Variants in KCNIP4 observed in about 807,000 individuals in gnomAD.
KCNIP4 encodes the protein Kv channel-interacting protein 4.
Under a neutral mutation model 34.0 loss-of-function variants are expected in KCNIP4, and 12 were observed. The ratio of observed to expected loss-of-function variants is 0.35; its 90% CI spans 0.23 to 0.57. The LOEUF (loss-of-function observed/expected upper bound fraction) is 0.57, where lower values mean the gene tolerates loss of function less well. KCNIP4 is among the 20% of genes least tolerant of loss of function. The probability of loss-of-function intolerance (pLI) is 0.83; values close to 1 mark genes in which losing one functional copy is unlikely to be tolerated. For synonymous variants in KCNIP4, 124 were observed against 102.2 expected (o/e 1.21, Z -1.29); for missense variants, 238 against 311.7 (o/e 0.76, Z 1.78).
chr4:21,790,414 A>G (rs1181463657), intron 1 of KCNIP4, among the ~76,000 whole-genome samples: 32 of 152,150 alleles, frequency 2.1e-4, no homozygotes, highest in Admixed American at 2.0e-3. Context: ...TACAGAGTAC[A>G]CTCAAATTTC....
chr4:20,798,357 T>C (rs1713751743), intron 3 of KCNIP4, among the ~76,000 whole-genome samples: 1 of 152,194 alleles, frequency 6.6e-6, no homozygotes, highest in Admixed American at 6.5e-5. Context: ...GCTGTAGGCA[T>C]TGCCCATGTC....
intron 1 of KCNIP4, among the ~76,000 whole-genome samples, chr4:20,905,506 TTTC>T (rs1727640187): frequency 1.3e-5 from 1 of 75,482 alleles, no homozygotes; most frequent in Admixed American, 2.0e-4. Context: ...GAACGTTTTC[TTTC>T]TTTTTTTTTT....
At chr4:21,205,555 G>A (rs985580543) in intron 1 of KCNIP4, among the ~76,000 whole-genome samples, 1 of 152,216 alleles carries the variant, frequency 6.6e-6, no homozygotes, top group Admixed American at 6.5e-5. Flanking sequence ...TACTAAGAAT[G>A]TAGCTTGTAT....
At chr4:21,938,999 T>C (rs1471261421) in intron 1 of KCNIP4, among the ~76,000 whole-genome samples, 1 of 152,156 alleles carries the variant, frequency 6.6e-6, no homozygotes, top group Admixed American at 6.6e-5. Flanking sequence ...ACAACACAAA[T>C]TACATTAAGG....
chr4:20,821,318 G>T (rs936393901), intron 3 of KCNIP4, among the ~76,000 whole-genome samples: 2 of 152,118 alleles, frequency 1.3e-5, no homozygotes, highest in African/African-American at 2.4e-5. Flanking sequence ...TTTTGTGATG[G>T]AAATACCTGC....
chr4:21,108,572 T>A (rs1185363126), intron 1 of KCNIP4, among the ~76,000 whole-genome samples: 1 of 151,690 alleles, frequency 6.6e-6, no homozygotes, highest in Non-Finnish European at 1.5e-5. Context: ...AGTAGTTTGA[T>A]CATCTGAAGC....
intron 1 of KCNIP4, among the ~76,000 whole-genome samples, chr4:21,213,108 C>G (rs374803834): frequency 1.3e-5 from 2 of 152,122 alleles, no homozygotes; most frequent in Admixed American, 6.5e-5. Context: ...CATCAAGGTC[C>G]GGACGAGGTG....
chr4:20,884,970 G>A (rs1249869308), intron 1 of KCNIP4, among the ~76,000 whole-genome samples: 2 of 152,050 alleles, frequency 1.3e-5, no homozygotes, highest in African/African-American at 4.8e-5. Context: ...CAAAGTGCCA[G>A]GATTACAGAC....
chr4:21,904,343 T>A (rs1296477321), intron 1 of KCNIP4, among the ~76,000 whole-genome samples: 4 of 152,172 alleles, frequency 2.6e-5, no homozygotes, highest in Non-Finnish European at 4.4e-5. Flanking sequence ...TAACCACTTC[T>A]GGGCCTCAGC....
intron 1 of KCNIP4, among the ~76,000 whole-genome samples, chr4:21,139,390 G>A (rs144388655): frequency 3.3e-5 from 5 of 152,336 alleles, no homozygotes; most frequent in East Asian, 3.9e-4. Flanking sequence ...ATGCCAACAT[G>A]TTTTTGAGCA....
chr4:21,716,488 T>G (rs1290339941), intron 1 of KCNIP4, among the ~76,000 whole-genome samples: 2 of 152,046 alleles, frequency 1.3e-5, no homozygotes, highest in Admixed American at 1.3e-4. Flanking sequence ...TCGCCCACCT[T>G]GACCTCCCAA....
intron 1 of KCNIP4, among the ~76,000 whole-genome samples, chr4:20,919,752 G>C (rs1729208118): frequency 6.6e-6 from 1 of 150,994 alleles, no homozygotes; most frequent in South Asian, 2.1e-4. Context: ...AATATTGTTT[G>C]GCGGGGGGGA....
intron 1 of KCNIP4, among the ~76,000 whole-genome samples, chr4:21,341,675 T>C (rs2109348507): frequency 6.6e-6 from 1 of 152,248 alleles, no homozygotes; most frequent in East Asian, 1.9e-4. Flanking sequence ...AATTAAATCA[T>C]AATAACCTGC....
intron 1 of KCNIP4, among the ~76,000 whole-genome samples, chr4:21,281,996 T>A (rs1364766427): frequency 1.3e-5 from 2 of 152,218 alleles, no homozygotes. Flanking sequence ...ACTGTTCACT[T>A]GGCTAACTTC....
intron 1 of KCNIP4, among the ~76,000 whole-genome samples, chr4:21,383,018 G>A (rs996846478): frequency 1.3e-5 from 2 of 152,150 alleles, no homozygotes; most frequent in African/African-American, 4.8e-5. Flanking sequence ...GATGCCATTA[G>A]GGTGGGCTCT....
chr4:20,893,706 G>T (rs1363900736), intron 1 of KCNIP4, among the ~76,000 whole-genome samples: 1 of 151,140 alleles, frequency 6.6e-6, no homozygotes, highest in Non-Finnish European at 1.5e-5. Context: ...TTACATATGT[G>T]AGCCACCTCA....
At chr4:21,239,649 T>G (rs1387548140) in intron 1 of KCNIP4, among the ~76,000 whole-genome samples, 6 of 152,096 alleles carry the variant, frequency 3.9e-5, no homozygotes, top group East Asian at 1.9e-4. Context: ...GACCATCAGA[T>G]AAATGCAAAT....
At chr4:21,901,757 C>A (rs562705811) in intron 1 of KCNIP4, among the ~76,000 whole-genome samples, 1 of 152,236 alleles carries the variant, frequency 6.6e-6, no homozygotes, top group Non-Finnish European at 1.5e-5. Flanking sequence ...ACTCCCTCCA[C>A]AAACTTTGTT....
At chr4:21,595,681 C>T (rs920406450) in intron 1 of KCNIP4, among the ~76,000 whole-genome samples, 2 of 152,018 alleles carry the variant, frequency 1.3e-5, no homozygotes, top group African/African-American at 2.4e-5. Flanking sequence ...GACAGCCCTT[C>T]TAATTGGCAT....
Sources: allele counts gnomAD v4.1 joint callset (sites outside exome capture counted in the v4.1 genomes callset), GRCh38; gene constraint gnomAD v4.1.1; transcripts MANE v1.5; gene names NCBI Gene and HGNC (gene_info 2026-07-23, HGNC 2026-07-21).